The following BLM variants were observed in gnomAD, a reference collection of about 807,000 sequenced individuals.
The protein encoded by BLM is BLM RecQ like helicase, also known as recQ-like DNA helicase BLM.
Under a neutral mutation model 135.3 loss-of-function variants are expected in BLM, and 95 were observed. The observed-to-expected ratio is 0.70, with a 90% confidence interval of 0.59 to 0.83. The LOEUF (loss-of-function observed/expected upper bound fraction) is 0.83. Among genes scored for constraint, BLM ranks in the 40% least tolerant of loss-of-function variants. The pLI is 0.00. For synonymous variants in BLM, 520 were observed against 589.2 expected (o/e 0.88, Z 1.70); for missense variants, 1,518 against 1,663.9 (o/e 0.91, Z 1.53).
chr15:90,787,417 G>A (rs938764424), intron 14 of BLM, among the ~76,000 whole-genome samples: 1 of 152,086 alleles, frequency 6.6e-6, no homozygotes, highest in Non-Finnish European at 1.5e-5. Context: ...ATGAAAGGAT[G>A]AATTTCAGCA....
chr15:90,754,827 G>A lies in BLM; in HGVS notation c.976G>A (p.Asp326Asn), dbSNP rs1013220474. The stretch of plus-strand genomic sequence containing the variant: ...TATTTGCAGTACGTTAAAGGACCTT[G>A]ACACCTCTGACAGAAAAGAGGATGT... Reference protein sequence around the residue: ...SKCLSTLKDLDTSDRKEDVLS... With the variant: ...SKCLSTLKDLNTSDRKEDVLS... The change falls in exon 5 of 22, where the codon GAC (aspartate) becomes AAC (asparagine). Residue 326 changes from aspartate to asparagine, a missense_variant. By Grantham distance (23) the Asp-to-Asn change is conservative (BLOSUM62 1). Around this residue, in one of 5 missense-constraint regions of BLM, gnomAD observed 724 missense variants for 756.9 expected, o/e 0.96. Transcript: ENST00000355112. The A allele has an allele frequency of 6.2e-7, 1 of 1,613,778 alleles. No homozygotes were observed. The highest frequency in any genetic ancestry group is 1.7e-5 in the Admixed American group (1 of 59,978).
At chr15:90,724,484 C>T (rs1264033658) in intron 1 of BLM, among the ~76,000 whole-genome samples, 1 of 152,112 alleles carries the variant, frequency 6.6e-6, no homozygotes, top group East Asian at 1.9e-4. Flanking sequence ...CACTGGGTGT[C>T]CTACATTTAG....
chr15:90,726,025 T>G (rs1894905258), intron 1 of BLM, among the ~76,000 whole-genome samples: 1 of 152,188 alleles, frequency 6.6e-6, no homozygotes, highest in Non-Finnish European at 1.5e-5. Flanking sequence ...GTGACATAAT[T>G]GTACCCCAAC....
intron 12 of BLM, among the ~76,000 whole-genome samples, chr15:90,781,820 G>A (rs1288815978): frequency 1.3e-5 from 2 of 152,148 alleles, no homozygotes; most frequent in Middle Eastern, 3.4e-3. Context: ...AACATTGATG[G>A]CCTAAAAATA....
intron 12 of BLM, among the ~76,000 whole-genome samples, chr15:90,780,626 C>CAA (rs1263677697): frequency 6.6e-6 from 1 of 152,202 alleles, no homozygotes; most frequent in Non-Finnish European, 1.5e-5. Flanking sequence ...AACTGTATAT[C>CAA]AAAAACATTT....
At chr15:90,742,865 G>A (rs998761240) in intron 1 of BLM, among the ~76,000 whole-genome samples, 1 of 151,918 alleles carries the variant, frequency 6.6e-6, no homozygotes, top group African/African-American at 2.4e-5. Context: ...GCAGCTCCTG[G>A]GCTCAAGCGA....
At chr15:90,730,109 C>A (rs974836935) in intron 1 of BLM, among the ~76,000 whole-genome samples, 7 of 152,150 alleles carry the variant, frequency 4.6e-5, no homozygotes, top group Non-Finnish European at 1.0e-4. Flanking sequence ...CCACCTCGGC[C>A]TCCCAAAGTG....
At chr15:90,754,974 A>T (rs778129268) in intron 5 of BLM, 36 bp downstream of exon 5, 1 of 1,611,078 alleles carries the variant, frequency 6.2e-7, no homozygotes, top group African/African-American at 1.3e-5. Flanking sequence ...ATGTATTTCA[A>T]CTACTTACTT....
At chr15:90,774,487 C>T (rs977734407) in intron 12 of BLM, among the ~76,000 whole-genome samples, 11 of 151,998 alleles carry the variant, frequency 7.2e-5, no homozygotes, top group South Asian at 2.1e-4. Flanking sequence ...GGTAGGTGAA[C>T]GGCATTTTAG....
chr15:90,809,313 C>G, intron 20 of BLM, 54 bp downstream of exon 20: 2 of 1,612,462 alleles, frequency 1.2e-6, no homozygotes. Flanking sequence ...TGAAGCGACG[C>G]GTCTCACTGA....
intron 12 of BLM, among the ~76,000 whole-genome samples, chr15:90,770,542 T>G (rs371540315): frequency 1.3e-5 from 2 of 152,220 alleles, no homozygotes; most frequent in South Asian, 4.1e-4. Flanking sequence ...TGTAGAGATA[T>G]GGATTCTTTG....
At chr15:90,755,901 G>A (rs751636122) in intron 5 of BLM, among the ~76,000 whole-genome samples, 10 of 151,962 alleles carry the variant, frequency 6.6e-5, no homozygotes, top group Non-Finnish European at 1.2e-4. Context: ...TTTTAGCGAC[G>A]TCTGCATGCA....
chr15:90,721,180 A>C (rs1306117804), intron 1 of BLM, among the ~76,000 whole-genome samples: 1 of 152,174 alleles, frequency 6.6e-6, no homozygotes, highest in Non-Finnish European at 1.5e-5. Flanking sequence ...GAAAAATTTC[A>C]CAATTTTTTC....
At chr15:90,779,886 A>G (rs1896574781) in intron 12 of BLM, among the ~76,000 whole-genome samples, 1 of 152,130 alleles carries the variant, frequency 6.6e-6, no homozygotes, top group Non-Finnish European at 1.5e-5. Context: ...CTAGTGCTTT[A>G]ATTAAAGAAA....
At chr15:90,735,911 C>G (rs1488748210) in intron 1 of BLM, among the ~76,000 whole-genome samples, 3 of 152,050 alleles carry the variant, frequency 2.0e-5, no homozygotes, top group African/African-American at 7.2e-5. Flanking sequence ...TATCCCTAGT[C>G]TAAATTGAGA....
intron 8 of BLM, among the ~76,000 whole-genome samples, chr15:90,764,223 A>T (rs944160585): frequency 2.7e-5 from 4 of 148,906 alleles, no homozygotes; most frequent in Admixed American, 6.7e-5. Context: ...ACCACTTGTG[A>T]GAGAGAGATA....
At chr15:90,795,095 T>C (rs557827932) in intron 16 of BLM, among the ~76,000 whole-genome samples, 1 of 152,334 alleles carries the variant, frequency 6.6e-6, no homozygotes, top group South Asian at 2.1e-4. Context: ...ATTAGACTTA[T>C]ATGTGCAAGA....
At chr15:90,801,399 G>A (rs1897163277) in intron 17 of BLM, among the ~76,000 whole-genome samples, 1 of 151,850 alleles carries the variant, frequency 6.6e-6, no homozygotes, top group Non-Finnish European at 1.5e-5. Flanking sequence ...ATCGCTAAAA[G>A]TAAAAGAAGG....
At chr15:90,772,326 T>A (rs909113733) in intron 12 of BLM, among the ~76,000 whole-genome samples, 1 of 152,204 alleles carries the variant, frequency 6.6e-6, no homozygotes, top group African/African-American at 2.4e-5. Flanking sequence ...AAAAAAGGCT[T>A]TATTCCATTT....
Sources: allele counts gnomAD v4.1 joint callset (sites outside exome capture counted in the v4.1 genomes callset), GRCh38; gene constraint gnomAD v4.1.1; regional missense constraint gnomAD v4.1.1; transcripts MANE v1.5; gene names NCBI Gene and HGNC (gene_info 2026-07-23, HGNC 2026-07-21).